SCAMP1: variants seen among roughly 807,000 people sequenced by gnomAD.
The protein encoded by SCAMP1 is secretory carrier membrane protein 1.
In SCAMP1, 15 loss-of-function variants were observed where a neutral mutation model predicts 41.8. That is an observed-to-expected ratio of 0.36 (90% CI 0.24 to 0.55). The LOEUF is 0.55. SCAMP1 is among the 20% of genes least tolerant of loss of function. The probability of loss-of-function intolerance (pLI) is 0.86; values close to 1 mark genes in which losing one functional copy is unlikely to be tolerated. For missense variants in SCAMP1, 341 were observed against 412.6 expected (o/e 0.83, Z 1.50); for synonymous variants, 135 against 136.8 (o/e 0.99, Z 0.09).
intron 1 of SCAMP1, among the ~76,000 whole-genome samples, chr5:78,369,595 C>A (rs1264822896): frequency 6.6e-6 from 1 of 152,182 alleles, no homozygotes; most frequent in Non-Finnish European, 1.5e-5. Flanking sequence ...GAAGTGAGCA[C>A]ATGCTGTTGG....
intron 1 of SCAMP1, among the ~76,000 whole-genome samples, chr5:78,379,349 C>G (rs1040125851): frequency 6.6e-6 from 1 of 152,190 alleles, no homozygotes; most frequent in Non-Finnish European, 1.5e-5. Context: ...GTTGTCTTCT[C>G]CCAGGTTAGA....
chr5:78,437,313 A>G (rs1306110166), intron 6 of SCAMP1, among the ~76,000 whole-genome samples: 1 of 152,216 alleles, frequency 6.6e-6, no homozygotes, highest in Admixed American at 6.5e-5. Context: ...GAATGCTTCC[A>G]GTTTTTGTCC....
intron 2 of SCAMP1, among the ~76,000 whole-genome samples, chr5:78,398,733 C>T (rs567977355): frequency 4.6e-5 from 7 of 151,576 alleles, no homozygotes; most frequent in South Asian, 4.2e-4. Flanking sequence ...TTAGTAGAGA[C>T]GGGGTTTCAC....
At chr5:78,449,019 G>A (rs1288659803) in intron 6 of SCAMP1, among the ~76,000 whole-genome samples, 1 of 149,316 alleles carries the variant, frequency 6.7e-6, no homozygotes, top group Non-Finnish European at 1.5e-5. Context: ...AAAAGAAAAT[G>A]TAAATAAAAA....
intron 2 of SCAMP1, among the ~76,000 whole-genome samples, chr5:78,404,464 T>TTTTTTTG (rs1283078096): frequency 2.0e-5 from 3 of 148,346 alleles, no homozygotes; most frequent in Admixed American, 2.0e-4. Context: ...TTTTTTTTTT[T>TTTTTTTG]TTTTTTTTTG....
At chr5:78,471,156 C>T (rs1165368229) in intron 8 of SCAMP1, among the ~76,000 whole-genome samples, 1 of 152,056 alleles carries the variant, frequency 6.6e-6, no homozygotes, top group Non-Finnish European at 1.5e-5. Context: ...TGGACAGAAA[C>T]CCTGTAAAAG....
At chr5:78,434,849 A>G (rs1752709398) in intron 6 of SCAMP1, among the ~76,000 whole-genome samples, 1 of 152,248 alleles carries the variant, frequency 6.6e-6, no homozygotes, top group African/African-American at 2.4e-5. Flanking sequence ...TATAATAAGT[A>G]TAAAAATAAC....
chr5:78,402,701 A>T (rs1417534405), intron 2 of SCAMP1, among the ~76,000 whole-genome samples: 1 of 152,182 alleles, frequency 6.6e-6, no homozygotes, highest in African/African-American at 2.4e-5. Flanking sequence ...TGGGTTTCTT[A>T]TAGACAACAT....
intron 2 of SCAMP1, among the ~76,000 whole-genome samples, chr5:78,409,873 CTG>C (rs2112125682): frequency 6.6e-6 from 1 of 152,226 alleles, no homozygotes; most frequent in East Asian, 1.9e-4. Flanking sequence ...GTAATTTCTT[CTG>C]TGTTTTTCCT....
chr5:78,408,028 G>C (rs1751976529), intron 2 of SCAMP1, among the ~76,000 whole-genome samples: 1 of 152,078 alleles, frequency 6.6e-6, no homozygotes, highest in African/African-American at 2.4e-5. Flanking sequence ...TAAATCATAA[G>C]CCAAAGTTAC....
chr5:78,408,351 T>A (rs1751985404), intron 2 of SCAMP1, among the ~76,000 whole-genome samples: 1 of 152,034 alleles, frequency 6.6e-6, no homozygotes, highest in Admixed American at 6.6e-5. Context: ...TTCAGTTACC[T>A]CCCACCAGGC....
chr5:78,427,573 A>C (rs1437419365), intron 6 of SCAMP1, among the ~76,000 whole-genome samples: 1 of 152,080 alleles, frequency 6.6e-6, no homozygotes, highest in Admixed American at 6.5e-5. Context: ...ACTGGGATGA[A>C]ACTTTTTTTT....
chr5:78,471,467 T>C (rs1263577864), intron 8 of SCAMP1, among the ~76,000 whole-genome samples: 1 of 152,146 alleles, frequency 6.6e-6, no homozygotes, highest in Non-Finnish European at 1.5e-5. Flanking sequence ...TTAAAAAATA[T>C]ATTTAAAAAA....
intron 6 of SCAMP1, among the ~76,000 whole-genome samples, chr5:78,427,539 A>G (rs1752498223): frequency 6.6e-6 from 1 of 152,162 alleles, no homozygotes; most frequent in Non-Finnish European, 1.5e-5. Flanking sequence ...GAGTTACCAT[A>G]ACAATATTCC....
intron 2 of SCAMP1, among the ~76,000 whole-genome samples, chr5:78,397,911 T>G (rs1751693190): frequency 6.6e-6 from 1 of 152,210 alleles, no homozygotes. Flanking sequence ...CCACTTCACA[T>G]CCATTAGGAT....
chr5:78,368,305 A>G lies in SCAMP1; in HGVS notation c.57+7577A>G, dbSNP rs550008277. Among the ~76,000 whole-genome samples the G allele has an allele frequency of 2.0e-5, 3 of 152,334 alleles. No individual in the cohort carries two copies. In the South Asian group the frequency reaches 6.2e-4, roughly 32 times the overall value. The stretch of plus-strand genomic sequence containing the variant: ...ATAGGAGGCTGCTGTGCCACGTGAC[A>G]AAACTAAGATTTGAACACAGTTTTA... On this transcript the variant is annotated intron_variant, in intron 1 of 8. Transcript: ENST00000621999.
intron 1 of SCAMP1, among the ~76,000 whole-genome samples, chr5:78,378,385 C>G (rs1335782967): frequency 6.6e-6 from 1 of 152,146 alleles, no homozygotes; most frequent in East Asian, 1.9e-4. Flanking sequence ...GGTGAAAGCA[C>G]TGTCTCCCAG....
intron 1 of SCAMP1, among the ~76,000 whole-genome samples, chr5:78,375,149 A>G (rs908799614): frequency 6.6e-6 from 1 of 152,142 alleles, no homozygotes; most frequent in Non-Finnish European, 1.5e-5. Flanking sequence ...TTGTTTAATC[A>G]AATTGTCTAG....
At chr5:78,439,011 A>G (rs1251468997) in intron 6 of SCAMP1, among the ~76,000 whole-genome samples, 1 of 152,078 alleles carries the variant, frequency 6.6e-6, no homozygotes, top group Non-Finnish European at 1.5e-5. Flanking sequence ...TCTGAAGTCT[A>G]TTTTATCAGA....
Sources: gnomAD v4.1 joint callset for allele counts (sites outside exome capture counted in the v4.1 genomes callset) on GRCh38, gnomAD v4.1.1 for gene constraint, MANE v1.5 for transcripts, NCBI Gene and HGNC (gene_info 2026-07-23, HGNC 2026-07-21) for gene names.